Variants in TNIK observed in about 807,000 individuals in gnomAD.
The protein encoded by TNIK is TRAF2 and NCK interacting kinase, also known as TRAF2 and NCK-interacting protein kinase.
Under a neutral mutation model 191.3 loss-of-function variants are expected in TNIK, and 49 were observed. The ratio of observed to expected loss-of-function variants is 0.26; its 90% CI spans 0.20 to 0.32. TNIK has a LOEUF of 0.32. Ranked by LOEUF, TNIK falls within the 10% of genes least tolerant of loss-of-function variation. The probability of loss-of-function intolerance (pLI) is 1.00; values close to 1 mark genes in which losing one functional copy is unlikely to be tolerated. For synonymous variants in TNIK, 594 were observed against 600.9 expected (o/e 0.99, Z 0.17); for missense variants, 1,155 against 1,702.3 (o/e 0.68, Z 5.66).
intron 2 of TNIK, among the ~76,000 whole-genome samples, chr3:171,325,938 C>T (rs1177059370): frequency 1.3e-5 from 2 of 152,172 alleles, no homozygotes; most frequent in African/African-American, 2.4e-5. Flanking sequence ...CAGAATTGTG[C>T]CCACTCTTCT....
chr3:171,329,829 A>G (rs906108262), intron 2 of TNIK, among the ~76,000 whole-genome samples: 1 of 152,218 alleles, frequency 6.6e-6, no homozygotes, highest in African/African-American at 2.4e-5. Flanking sequence ...CAAAGACTTC[A>G]TTAAAAGCAT....
intron 4 of TNIK, among the ~76,000 whole-genome samples, chr3:171,201,637 C>G (rs1739420015): frequency 6.6e-6 from 1 of 152,032 alleles, no homozygotes; most frequent in Non-Finnish European, 1.5e-5. Context: ...TAGGTTAAGT[C>G]TCAAAATATA....
chr3:171,271,704 A>G (rs1163209575), intron 2 of TNIK, among the ~76,000 whole-genome samples: 3 of 152,190 alleles, frequency 2.0e-5, no homozygotes, highest in African/African-American at 7.2e-5. Flanking sequence ...GAAAGGGACC[A>G]TGTCTTAATC....
intron 2 of TNIK, among the ~76,000 whole-genome samples, chr3:171,245,064 G>A (rs1215093284): frequency 6.6e-6 from 1 of 152,106 alleles, no homozygotes; most frequent in Non-Finnish European, 1.5e-5. Flanking sequence ...AAGAAATACA[G>A]TATTAAAGCA....
intron 2 of TNIK, among the ~76,000 whole-genome samples, chr3:171,358,804 G>A (rs1038883): frequency 0.63 from 95,072 of 151,950 alleles, 29,894 homozygotes; most frequent in East Asian, 0.75. Flanking sequence ...GAACGCCAAC[G>A]TAAGGACAGA....
At chr3:171,318,604 A>C (rs1754875751) in intron 2 of TNIK, among the ~76,000 whole-genome samples, 1 of 152,170 alleles carries the variant, frequency 6.6e-6, no homozygotes, top group South Asian at 2.1e-4. Context: ...AATCTTCAAA[A>C]CCTAATTATT....
chr3:171,230,055 C>T (rs1743429235), intron 2 of TNIK, among the ~76,000 whole-genome samples: 1 of 152,144 alleles, frequency 6.6e-6, no homozygotes, highest in Non-Finnish European at 1.5e-5. Flanking sequence ...TGGGTATCAG[C>T]ACTACCAACT....
chr3:171,085,195 G>T lies in TNIK; in HGVS notation c.2921C>A (p.Thr974Asn). ...GMGSSTKASF[T>N]PFVDPRVYQT... Reference sequence around the variant, plus strand: ...GTATACTCTGGGGTCCACAAAGGGGGTGAAGGAGGCTTTGGTGCTGCTCCC... The same window carrying T: ...GTATACTCTGGGGTCCACAAAGGGGTTGAAGGAGGCTTTGGTGCTGCTCCC... Residue 974 changes from threonine to asparagine, a missense_variant, in exon 25 of 33, where the codon ACC becomes AAC. Coordinates refer to ENST00000436636, the MANE Select transcript of TNIK (RefSeq NM_015028.4). 6.2e-7 allele frequency: 1 copy of T among 1,611,598 alleles called. No homozygotes were observed. The highest frequency in any genetic ancestry group is 8.5e-7 in the Non-Finnish European group (1 of 1,178,896).
At chr3:171,360,434 T>C (rs985203145) in intron 2 of TNIK, among the ~76,000 whole-genome samples, 21 of 152,336 alleles carry the variant, frequency 1.4e-4, no homozygotes, top group African/African-American at 5.1e-4. Context: ...GTGGAGGTTA[T>C]CCAGACTAGT....
chr3:171,452,520 C>G (rs553262535), intron 1 of TNIK, among the ~76,000 whole-genome samples: 284 of 152,144 alleles, frequency 1.9e-3, no homozygotes, highest in Non-Finnish European at 3.1e-3. Flanking sequence ...ACGCTGGGCT[C>G]TAACTCCCAG....
At chr3:171,351,479 T>C (rs894856081) in intron 2 of TNIK, among the ~76,000 whole-genome samples, 9 of 152,216 alleles carry the variant, frequency 5.9e-5, no homozygotes, top group African/African-American at 2.2e-4. Flanking sequence ...TTTCATTAGG[T>C]ATTTTGATTG....
rs1207023591 is a variant in TNIK, at chr3:171,058,788, TTATA to T, written c.*5089_*5092del. On this transcript the variant is annotated 3_prime_UTR_variant, in exon 33 of 33. Coordinates refer to ENST00000436636, the MANE Select transcript of TNIK (RefSeq NM_015028.4). ...TTATACATTTGGCATCTCTCTACAG[TTATA>T]TTAACATAAATAAGGCAGCTAAAAC... Among the ~76,000 whole-genome samples the T allele has an allele frequency of 1.3e-5, 2 of 152,218 alleles. No individual in the cohort carries two copies. The highest frequency in any genetic ancestry group is 2.9e-5 in the Non-Finnish European group (2 of 68,030).
intron 25 of TNIK, among the ~76,000 whole-genome samples, chr3:171,084,700 G>A (rs943725285): frequency 6.6e-6 from 1 of 152,162 alleles, no homozygotes; most frequent in East Asian, 1.9e-4. Context: ...AAGAAGATTA[G>A]AAAGCAAGAC....
At chr3:171,314,172 A>G (rs1244344079) in intron 2 of TNIK, among the ~76,000 whole-genome samples, 4 of 152,190 alleles carry the variant, frequency 2.6e-5, no homozygotes, top group Non-Finnish European at 4.4e-5. Flanking sequence ...CTGTTGCTGG[A>G]GTCCCTTTAC....
intron 24 of TNIK, among the ~76,000 whole-genome samples, chr3:171,085,769 TG>T (rs1423777443): frequency 6.6e-6 from 1 of 152,214 alleles, no homozygotes; most frequent in Non-Finnish European, 1.5e-5. Context: ...AATTCAGGGA[TG>T]ATTTTATGCT....
At chr3:171,094,382 C>T (rs1223099957) in intron 22 of TNIK, among the ~76,000 whole-genome samples, 5 of 152,088 alleles carry the variant, frequency 3.3e-5, no homozygotes, top group Non-Finnish European at 5.9e-5. Flanking sequence ...GTGATTTGCC[C>T]GTCTTGGCCT....
chr3:171,155,330 G>A (rs1311066097), intron 12 of TNIK, among the ~76,000 whole-genome samples: 1 of 152,134 alleles, frequency 6.6e-6, no homozygotes, highest in Non-Finnish European at 1.5e-5. Flanking sequence ...TGACTAAGGG[G>A]TTCAGAATTT....
At chr3:171,239,619 C>A (rs1052150618) in intron 2 of TNIK, among the ~76,000 whole-genome samples, 1 of 152,234 alleles carries the variant, frequency 6.6e-6, no homozygotes, top group Non-Finnish European at 1.5e-5. Flanking sequence ...TATCTCTCCC[C>A]CTCCAACAGA....
chr3:171,430,278 A>T (rs2108657332), intron 1 of TNIK, among the ~76,000 whole-genome samples: 1 of 152,310 alleles, frequency 6.6e-6, no homozygotes, highest in East Asian at 1.9e-4. Flanking sequence ...ACCTAATTTT[A>T]AAAAACAAAA....
Sources: gnomAD v4.1 joint callset for allele counts (sites outside exome capture counted in the v4.1 genomes callset) on GRCh38, gnomAD v4.1.1 for gene constraint, MANE v1.5 for transcripts, NCBI Gene and HGNC (gene_info 2026-07-23, HGNC 2026-07-21) for gene names.